Variants in CSMD1 observed in about 807,000 individuals in gnomAD.
CSMD1 encodes the protein CUB and sushi domain-containing protein 1.
CSMD1 carries 213 observed loss-of-function variants against 417.5 expected under a neutral mutation model. That is an observed-to-expected ratio of 0.51 (90% CI 0.46 to 0.57). CSMD1 has a LOEUF of 0.57. Among genes scored for constraint, CSMD1 ranks in the 20% least tolerant of loss-of-function variants. The pLI, the probability that CSMD1 is intolerant of heterozygous loss-of-function variation, is 0.00. For synonymous variants in CSMD1, 2,862 were observed against 1,736.8 expected, an observed-to-expected ratio of 1.65 and a Z score of -16.11; for missense variants, 6,923 against 4,529.7, an observed-to-expected ratio of 1.53 and a Z score of -15.17.
chr8:2,968,825 T>C (rs930623805), intron 57 of CSMD1, among the ~76,000 whole-genome samples: 27 of 152,178 alleles, frequency 1.8e-4, no homozygotes, highest in Admixed American at 1.8e-3. Context: ...AACTTTGCCA[T>C]ATTTTCTCTT....
chr8:4,812,631 T>C (rs1035828811), intron 1 of CSMD1, among the ~76,000 whole-genome samples: 3 of 152,200 alleles, frequency 2.0e-5, no homozygotes, highest in African/African-American at 7.2e-5. Context: ...AATATTTTCA[T>C]AGATCATTTA....
chr8:4,028,960 A>C (rs1429137735), intron 4 of CSMD1, among the ~76,000 whole-genome samples: 2 of 152,234 alleles, frequency 1.3e-5, no homozygotes, highest in East Asian at 3.8e-4. Flanking sequence ...ATGTAAAAAT[A>C]GCAGTGTTGC....
At chr8:4,529,663 A>T (rs1300867478) in intron 2 of CSMD1, among the ~76,000 whole-genome samples, 1 of 152,116 alleles carries the variant, frequency 6.6e-6, no homozygotes, top group Non-Finnish European at 1.5e-5. Context: ...TTCCATATTA[A>T]CAGCAAATTA....
intron 2 of CSMD1, among the ~76,000 whole-genome samples, chr8:4,569,560 T>C (rs1798783159): frequency 6.6e-6 from 1 of 152,194 alleles, no homozygotes; most frequent in South Asian, 2.1e-4. Context: ...TGTAATATAG[T>C]TTGAAGTCAG....
At chr8:4,006,929 G>C (rs974136141) in intron 4 of CSMD1, among the ~76,000 whole-genome samples, 1 of 143,178 alleles carries the variant, frequency 7.0e-6, no homozygotes, top group African/African-American at 2.6e-5. Context: ...CTGGGTTCAA[G>C]CGATTCTCCT....
At chr8:3,335,398 C>G (rs1482490370) in intron 23 of CSMD1, among the ~76,000 whole-genome samples, 1 of 152,178 alleles carries the variant, frequency 6.6e-6, no homozygotes, top group East Asian at 1.9e-4. Flanking sequence ...AAAGGTTTGG[C>G]CAGGCATGGT....
At chr8:3,182,984 A>G (rs1019323365) in intron 36 of CSMD1, 18 of 142,874 alleles carry the variant, frequency 1.3e-4, no homozygotes, top group African/African-American at 5.1e-4. Context: ...GGTCTCGATC[A>G]ACTGACCTCG....
chr8:4,448,448 A>G (rs982435406), intron 2 of CSMD1, among the ~76,000 whole-genome samples: 1 of 152,202 alleles, frequency 6.6e-6, no homozygotes, highest in Non-Finnish European at 1.5e-5. Flanking sequence ...TTCACTGTGG[A>G]GCTATTTTCC....
At chr8:4,938,635 C>T (rs894010153) in intron 1 of CSMD1, among the ~76,000 whole-genome samples, 1 of 150,386 alleles carries the variant, frequency 6.6e-6, no homozygotes, top group Non-Finnish European at 1.5e-5. Flanking sequence ...TACATAAACA[C>T]GTAGCTGTAA....
intron 50 of CSMD1, among the ~76,000 whole-genome samples, chr8:3,038,432 C>G (rs1456370356): frequency 6.6e-6 from 1 of 152,196 alleles, no homozygotes; most frequent in Non-Finnish European, 1.5e-5. Flanking sequence ...CATTCTTTGA[C>G]TTGTTGGGCT....
intron 5 of CSMD1, among the ~76,000 whole-genome samples, chr8:3,802,433 A>T (rs967747407): frequency 6.6e-6 from 1 of 152,112 alleles, no homozygotes; most frequent in African/African-American, 2.4e-5. Context: ...TTCTTTAGAC[A>T]TTTTTTTCTT....
At chr8:3,943,323 G>C (rs1158171907) in intron 5 of CSMD1, among the ~76,000 whole-genome samples, 2 of 150,012 alleles carry the variant, frequency 1.3e-5, no homozygotes, top group African/African-American at 4.9e-5. Flanking sequence ...AACTAGAAGA[G>C]TGAAGTATTC....
chr8:3,335,934 G>A (rs145199921), intron 23 of CSMD1, among the ~76,000 whole-genome samples: 2 of 152,136 alleles, frequency 1.3e-5, no homozygotes, highest in Non-Finnish European at 1.5e-5. Flanking sequence ...TCAAAAGTCT[G>A]GCCTTCCTAC....
chr8:3,233,555 T>A (rs1311129708), intron 26 of CSMD1, among the ~76,000 whole-genome samples: 1 of 152,250 alleles, frequency 6.6e-6, no homozygotes, highest in African/African-American at 2.4e-5. Context: ...TTGGTTGGTT[T>A]TTGCAAGTTA....
intron 5 of CSMD1, among the ~76,000 whole-genome samples, chr8:3,807,213 G>A (rs1034289868): frequency 2.0e-5 from 3 of 152,108 alleles, no homozygotes; most frequent in African/African-American, 4.8e-5. Context: ...AAGAAGCCAG[G>A]ACATTGATAA....
chr8:3,358,684 G>C (rs1563307923), intron 21 of CSMD1, among the ~76,000 whole-genome samples: 1 of 152,156 alleles, frequency 6.6e-6, no homozygotes, highest in Non-Finnish European at 1.5e-5. Context: ...CACTTAGCAG[G>C]AGTGTGCAAC....
chr8:4,615,898 C>A (rs1801447218), intron 2 of CSMD1, among the ~76,000 whole-genome samples: 1 of 152,126 alleles, frequency 6.6e-6, no homozygotes, highest in African/African-American at 2.4e-5. Flanking sequence ...GAATTCATAG[C>A]CCATAACTAT....
At chr8:4,080,134 A>C (rs1037929056) in intron 3 of CSMD1, among the ~76,000 whole-genome samples, 3 of 151,842 alleles carry the variant, frequency 2.0e-5, no homozygotes, top group Non-Finnish European at 4.4e-5. Context: ...CCATAGGTAC[A>C]CCTGCTCAGT....
intron 3 of CSMD1, among the ~76,000 whole-genome samples, chr8:4,324,822 A>G (rs1799465162): frequency 6.6e-6 from 1 of 152,200 alleles, no homozygotes; most frequent in South Asian, 2.1e-4. Flanking sequence ...TTGCTAGAGA[A>G]CATAAGCAAG....
Sources: allele counts gnomAD v4.1 joint callset (sites outside exome capture counted in the v4.1 genomes callset), GRCh38; gene constraint gnomAD v4.1.1; transcripts MANE v1.5; gene names NCBI Gene and HGNC (gene_info 2026-07-23, HGNC 2026-07-21).